The following BMERB1 variants were observed in gnomAD, a reference collection of about 807,000 sequenced individuals.
BMERB1 encodes the protein bMERB domain containing 1.
Under a neutral mutation model 23.6 loss-of-function variants are expected in BMERB1, and 12 were observed. The observed-to-expected ratio is 0.51, with a 90% CI of 0.33 to 0.82. BMERB1 has a LOEUF of 0.82. Ranked by LOEUF, BMERB1 falls within the 40% of genes least tolerant of loss-of-function variation. The pLI is 0.03. For missense variants in BMERB1, 247 were observed against 255.4 expected (o/e 0.97, Z 0.22); for synonymous variants, 122 against 96.6 (o/e 1.26, Z -1.54).
intron 1 of BMERB1, among the ~76,000 whole-genome samples, chr16:15,453,713 A>G (rs1160059927): frequency 2.6e-5 from 4 of 152,100 alleles, no homozygotes; most frequent in African/African-American, 9.7e-5. Context: ...CTCTACTAAA[A>G]ATACAAAAAA....
chr16:15,460,855 G>A (rs1465528346), intron 1 of BMERB1, among the ~76,000 whole-genome samples: 3 of 152,130 alleles, frequency 2.0e-5, no homozygotes, highest in Non-Finnish European at 4.4e-5. Context: ...CAGGCTGGGC[G>A]CAGTGGCTCA....
intron 2 of BMERB1, among the ~76,000 whole-genome samples, chr16:15,547,363 C>CA: frequency 7.0e-6 from 1 of 142,826 alleles, no homozygotes; most frequent in East Asian, 2.1e-4. Context: ...TTTTTAGTGA[C>CA]AGAGTTTTGC....
intron 1 of BMERB1, among the ~76,000 whole-genome samples, chr16:15,511,116 G>T (rs117203915): frequency 1.3e-5 from 2 of 152,056 alleles, no homozygotes; most frequent in Non-Finnish European, 2.9e-5. Context: ...AGTAGGACCC[G>T]AAATTGGATT....
chr16:15,555,261 A>T (rs1384799305), intron 2 of BMERB1, among the ~76,000 whole-genome samples: 1 of 152,056 alleles, frequency 6.6e-6, no homozygotes, highest in African/African-American at 2.4e-5. Flanking sequence ...TTGTGTAGAG[A>T]CAGAGTCTCG....
intron 2 of BMERB1, among the ~76,000 whole-genome samples, chr16:15,527,541 G>T (rs2051921923): frequency 6.6e-6 from 1 of 152,238 alleles, no homozygotes; most frequent in African/African-American, 2.4e-5. Flanking sequence ...GGAGGCAGAG[G>T]TTGCAGTGAG....
intron 1 of BMERB1, among the ~76,000 whole-genome samples, chr16:15,460,895 A>G (rs1406935944): frequency 6.6e-6 from 1 of 152,132 alleles, no homozygotes; most frequent in Non-Finnish European, 1.5e-5. Flanking sequence ...TTGAGAGGCC[A>G]AGGCAAGCAC....
intron 1 of BMERB1, among the ~76,000 whole-genome samples, chr16:15,508,986 C>T (rs561358972): frequency 6.6e-6 from 1 of 152,040 alleles, no homozygotes; most frequent in African/African-American, 2.4e-5. Flanking sequence ...CATCCTTGAG[C>T]AAGACTTTTC....
chr16:15,456,656 A>C (rs1331070114), intron 1 of BMERB1, among the ~76,000 whole-genome samples: 1 of 151,448 alleles, frequency 6.6e-6, no homozygotes, highest in African/African-American at 2.5e-5. Flanking sequence ...AATTTGGCCT[A>C]TGTCTTCCTT....
At chr16:15,528,407 A>G (rs753197077) in intron 2 of BMERB1, among the ~76,000 whole-genome samples, 16 of 152,202 alleles carry the variant, frequency 1.1e-4, no homozygotes, top group African/African-American at 3.4e-4. Flanking sequence ...TTGGAAATTA[A>G]GTTTCAACAT....
intron 1 of BMERB1, among the ~76,000 whole-genome samples, chr16:15,479,813 G>T (rs1332622143): frequency 6.6e-6 from 1 of 151,686 alleles, no homozygotes; most frequent in Admixed American, 6.6e-5. Flanking sequence ...AGGTGTGGTG[G>T]CTGACACTTG....
chr16:15,458,584 G>A (rs2051107195), intron 1 of BMERB1, among the ~76,000 whole-genome samples: 1 of 151,842 alleles, frequency 6.6e-6, no homozygotes, highest in East Asian at 1.9e-4. Context: ...GAGTATGGTG[G>A]TGCACACCTG....
At chr16:15,478,078 GTGTGTGTGTGTC>G (rs1449555149) in intron 1 of BMERB1, among the ~76,000 whole-genome samples, 4 of 152,118 alleles carry the variant, frequency 2.6e-5, no homozygotes, top group Non-Finnish European at 4.4e-5. Context: ...TCTAAGGTTT[GTGTGTGTGTGTC>G]TGTGTGTGTG....
rs374286112 is a variant in BMERB1 at position 15,544,445 on chromosome 16, C to T, written c.231-23538C>T. Among the ~76,000 whole-genome samples the T allele has an allele frequency of 3.3e-4, 50 of 152,246 alleles. 1 individual carries two copies. In the East Asian group the frequency reaches 8.7e-3, roughly 26 times the overall value. ...TCAGTATGCAAAGCATCATGGTGGG[C>T]CCCGCAGGGAAGACTAAAATGGGTA... is the stretch of plus-strand genomic sequence containing the variant. On this transcript the variant is annotated intron_variant, in intron 2 of 5. Coordinates refer to ENST00000300006, the MANE Select transcript of BMERB1 (RefSeq NM_033201.3).
chr16:15,529,046 ACGGAGTCTAGCTCTGT>A (rs1013335412), intron 2 of BMERB1, among the ~76,000 whole-genome samples: 2 of 145,550 alleles, frequency 1.4e-5, no homozygotes, highest in Non-Finnish European at 2.9e-5. Context: ...TGTTTGTTTG[ACGGAGTCTAGCTCTGT>A]CGCCCAGGCT....
chr16:15,467,822 A>G (rs1184141627), intron 1 of BMERB1, among the ~76,000 whole-genome samples: 3 of 152,188 alleles, frequency 2.0e-5, no homozygotes, highest in East Asian at 1.9e-4. Flanking sequence ...GGGAGATACA[A>G]GGCATCAACC....
intron 1 of BMERB1, among the ~76,000 whole-genome samples, chr16:15,500,601 C>G (rs1055133467): frequency 5.3e-5 from 8 of 152,180 alleles, no homozygotes; most frequent in Non-Finnish European, 8.8e-5. Context: ...TGAACAATGA[C>G]TTGGGACTTG....
chr16:15,459,759 A>G (rs1488472412), intron 1 of BMERB1, among the ~76,000 whole-genome samples: 1 of 152,174 alleles, frequency 6.6e-6, no homozygotes, highest in Non-Finnish European at 1.5e-5. Flanking sequence ...ATCATACTGA[A>G]GTGCACCATA....
intron 1 of BMERB1, among the ~76,000 whole-genome samples, chr16:15,498,859 G>A (rs982211704): frequency 6.6e-6 from 1 of 152,230 alleles, no homozygotes; most frequent in African/African-American, 2.4e-5. Flanking sequence ...AGAGGCCAGG[G>A]ATGCTGCTGC....
chr16:15,578,303 A>G (rs1441210152), intron 3 of BMERB1, among the ~76,000 whole-genome samples: 3 of 146,664 alleles, frequency 2.0e-5, no homozygotes, highest in Non-Finnish European at 3.0e-5. Context: ...GGCTTAAGTG[A>G]TCCTCCTGCT....
Sources: allele counts gnomAD v4.1 joint callset (sites outside exome capture counted in the v4.1 genomes callset), GRCh38; gene constraint gnomAD v4.1.1; transcripts MANE v1.5; gene names NCBI Gene and HGNC (gene_info 2026-07-23, HGNC 2026-07-21).